Variants in RSPH14 observed in about 807,000 individuals in gnomAD.
RSPH14 encodes the protein rhabdoid tumor deletion region gene 1.
A neutral mutation model predicts 26.7 loss-of-function variants in RSPH14; 20 were observed. That is an observed-to-expected ratio of 0.75 (90% CI 0.53 to 1.09). The LOEUF (loss-of-function observed/expected upper bound fraction) is 1.09. RSPH14 is among the 50% of genes least tolerant of loss of function. RSPH14 has a pLI of 0.00. For synonymous variants in RSPH14, 177 were observed against 189.3 expected, an observed-to-expected ratio of 0.93 and a Z score of 0.53; for missense variants, 449 against 457.2, an observed-to-expected ratio of 0.98 and a Z score of 0.16.
In RSPH14 at chr22:23,130,155, GAAAGAA is replaced by G. The variant is rs1285109829; in HGVS notation, c.421+3865_421+3870del. ...AGAAAGAAAGAAAGAAAGAAAGAAA[GAAAGAA>G]AAAGAAAAAGAAGGCCGGGCATGGT... On this transcript the variant is annotated intron_variant, in intron 4 of 6. Transcript: ENST00000216036. Among the ~76,000 whole-genome samples the G allele has an allele frequency of 1.4e-3, 176 of 121,626 alleles. No individual in the cohort carries two copies. In the Middle Eastern group the frequency reaches 0.016, roughly 11 times the overall value. 79.8% of individuals were successfully genotyped at this position (121,626 alleles called of 152,430 possible). A position where few individuals can be genotyped will look rare whatever the true frequency, so the allele number is the denominator to read the frequency against.
At chr22:23,113,633 G>T (rs945701720) in intron 4 of RSPH14, among the ~76,000 whole-genome samples, 11 of 152,192 alleles carry the variant, frequency 7.2e-5, no homozygotes, top group African/African-American at 2.7e-4. Flanking sequence ...AGCTGCAGAG[G>T]CATCTAGCAC....
intron 4 of RSPH14, among the ~76,000 whole-genome samples, chr22:23,082,029 G>T (rs1211443159): frequency 6.7e-6 from 1 of 149,998 alleles, no homozygotes; most frequent in Non-Finnish European, 1.5e-5. Context: ...GGAGGCTGAG[G>T]CAGGAGAATG....
chr22:23,117,187 G>T (rs1450358654), intron 4 of RSPH14, among the ~76,000 whole-genome samples: 1 of 152,074 alleles, frequency 6.6e-6, no homozygotes, highest in Non-Finnish European at 1.5e-5. Flanking sequence ...ACTTGGGGCT[G>T]TTCTGTGCCC....
chr22:23,130,059 AAAAGAAAG>A (rs200720313), intron 4 of RSPH14, among the ~76,000 whole-genome samples: 4 of 131,148 alleles, frequency 3.0e-5, no homozygotes, highest in African/African-American at 6.3e-5. Flanking sequence ...AAGAGAAAGA[AAAAGAAAG>A]AAAGAAAGAA....
At chr22:23,128,829 CAT>C (rs1363950320) in intron 4 of RSPH14, among the ~76,000 whole-genome samples, 1 of 152,210 alleles carries the variant, frequency 6.6e-6, no homozygotes, top group East Asian at 1.9e-4. Context: ...TAAAGTATGA[CAT>C]AAAACCTACT....
upstream of RSPH14, chr22:23,145,065 A>G (rs1035922947): frequency 2.2e-6 from 1 of 454,692 alleles, no homozygotes; most frequent in African/African-American, 1.9e-5. Flanking sequence ...GATGGTAGGC[A>G]GGTCTATCTT....
chr22:23,060,599 T>C (rs1045819391), intron 6 of RSPH14, among the ~76,000 whole-genome samples: 3 of 152,180 alleles, frequency 2.0e-5, no homozygotes, highest in South Asian at 2.1e-4. Context: ...CTTTCTGCTG[T>C]CCTTGCCGGC....
chr22:23,068,013 C>T (rs2068249556), intron 4 of RSPH14, among the ~76,000 whole-genome samples: 1 of 152,230 alleles, frequency 6.6e-6, no homozygotes, highest in Non-Finnish European at 1.5e-5. Context: ...TCTCCTCCTC[C>T]TTCTCAAATT....
At chr22:23,129,996 GAGAA>G (rs1174894844) in intron 4 of RSPH14, among the ~76,000 whole-genome samples, 10 of 149,198 alleles carry the variant, frequency 6.7e-5, no homozygotes, top group Middle Eastern at 3.5e-3. Flanking sequence ...AAGAGAGAAA[GAGAA>G]AGAAAGGAAG....
At position 23,140,415 on chromosome 22, in the gene RSPH14, G is replaced by A. The variant is rs752806262; in HGVS notation, c.6C>T (p.Ala2=). The A allele has an allele frequency of 1.2e-6, 2 of 1,613,936 alleles. No homozygotes were observed. Among genetic ancestry groups the A allele is most frequent in the African/African-American group, 1.3e-5 (1 of 74,894 alleles). The part of the protein sequence containing the change: M[A]HSQNSLELPI... ...GAAGCTCCAAGGAGTTCTGGGAATG[G>A]GCCATCTTTCCCCAACTACAGAGGC... Residue 2 remains alanine (A), a synonymous_variant, in exon 2 of 7, where the codon GCC becomes GCT. Transcript: ENST00000216036.
chr22:23,081,821 C>CAAA (rs55713577), intron 4 of RSPH14, among the ~76,000 whole-genome samples: 46 of 46,694 alleles, frequency 9.9e-4, no homozygotes, highest in Admixed American at 1.4e-3. Flanking sequence ...GATTCCATCT[C>CAAA]AAAAAAAAAA....
intron 4 of RSPH14, chr22:23,095,791 C>G: frequency 6.2e-7 from 1 of 1,613,322 alleles, no homozygotes; most frequent in Non-Finnish European, 8.5e-7. Flanking sequence ...GGCAACGCCG[C>G]GAAATCAAGC....
chr22:23,075,590 C>T (rs1226326354), intron 4 of RSPH14, among the ~76,000 whole-genome samples: 9 of 152,304 alleles, frequency 5.9e-5, no homozygotes, highest in Admixed American at 5.2e-4. Context: ...CTTTTAGAGA[C>T]GTCCCTGGAG....
chr22:23,155,210 T>C, the RSPH14 span, among the ~76,000 whole-genome samples: 1 of 152,198 alleles, frequency 6.6e-6, no homozygotes, highest in Non-Finnish European at 1.5e-5. Flanking sequence ...TCAATTTTGA[T>C]CAGTTGACCT....
chr22:23,151,997 C>T, the RSPH14 span, among the ~76,000 whole-genome samples: 8 of 152,354 alleles, frequency 5.3e-5, no homozygotes, highest in East Asian at 5.8e-4. Flanking sequence ...CCCACATCGG[C>T]GCACAGCCCC....
In RSPH14 at chr22:23,140,486, A is replaced by G; in HGVS notation, c.-52-14T>C. 1 of 1,561,194 alleles carries G rather than the reference A, an allele frequency of 6.4e-7. No homozygotes were observed. The highest frequency in any genetic ancestry group is 8.7e-7 in the Non-Finnish European group (1 of 1,150,726). ...AGAAACCACTCACTAAAAGAGACCA[A>G]AAAGCTGTCATTATTTCTATTATGA... is the stretch of plus-strand genomic sequence containing the variant. On this transcript the variant is annotated splice_polypyrimidine_tract_variant and intron_variant, in intron 1 of 6. Transcript: ENST00000216036.
intron 4 of RSPH14, among the ~76,000 whole-genome samples, chr22:23,130,075 GAAA>G (rs2070285578): frequency 2.4e-4 from 7 of 28,592 alleles, no homozygotes; most frequent in Non-Finnish European, 4.4e-4. Flanking sequence ...AAGAAAGAAA[GAAA>G]GAAAGGAAGA....
chr22:23,089,280 G>A (rs1045517781), intron 4 of RSPH14, among the ~76,000 whole-genome samples: 1 of 152,192 alleles, frequency 6.6e-6, no homozygotes, highest in Non-Finnish European at 1.5e-5. Context: ...TGCCTCAGCC[G>A]GGGGCACTGA....
chr22:23,180,004 A>G, the RSPH14 span: 1 of 345,858 alleles, frequency 2.9e-6, no homozygotes, highest in Non-Finnish European at 5.4e-6. Context: ...CTCTGACACG[A>G]CGACTGGGCA....
Sources: gnomAD v4.1 joint callset for allele counts (sites outside exome capture counted in the v4.1 genomes callset) on GRCh38, gnomAD v4.1.1 for gene constraint, MANE v1.5 for transcripts, NCBI Gene and HGNC (gene_info 2026-07-23, HGNC 2026-07-21) for gene names.